Variants in PDE6G observed in about 807,000 individuals in gnomAD.
PDE6G encodes the protein phosphodiesterase 6G.
A neutral mutation model predicts 10.9 loss-of-function variants in PDE6G; 10 were observed. That is an observed-to-expected ratio of 0.91 (90% CI 0.56 to 1.55). The LOEUF is 1.55. Among genes scored for constraint, PDE6G ranks in the 40% most tolerant of loss-of-function variants. PDE6G has a pLI of 0.00. For missense variants in PDE6G, 102 were observed against 110.1 expected (o/e 0.93, Z 0.33); for synonymous variants, 41 against 42.8 (o/e 0.96, Z 0.16).
Position 81,653,419 on chromosome 17 carries a change from G to C in PDE6G, c.-59-55C>G. On this transcript the variant is annotated intron_variant, in intron 1 of 3. Coordinates refer to ENST00000331056, the MANE Select transcript of PDE6G (RefSeq NM_002602.4). This position sits in a 1 kb window ranked among gnomAD's most constrained non-coding sequence, Gnocchi z 5.2. ...CAGCCCTCCTGCTTCCAACCCTTGT[G>C]GGGGTCTCAACCCACCGGTGGAGGG... is the stretch of plus-strand genomic sequence containing the variant. 1 of 1,299,644 alleles carries C rather than the reference G, an allele frequency of 7.7e-7. No homozygotes were observed. Among genetic ancestry groups the C allele is most frequent in the East Asian group, 2.5e-5 (1 of 40,184 alleles). 80.5% of individuals were successfully genotyped at this position (1,299,644 alleles called of 1,614,324 possible).
rs980820538 is a variant in PDE6G, at chr17:81,653,455, AG to A, written c.-59-92del. 2.5e-6 allele frequency: 2 copies of A among 803,398 alleles called. No homozygotes were observed. Among genetic ancestry groups the A allele is most frequent in the African/African-American group, 3.4e-5 (2 of 58,234 alleles). The allele number at this position is 803,398 out of a possible 1,614,324, so 49.8% of individuals were successfully genotyped here. A position where few individuals can be genotyped will look rare whatever the true frequency, so the allele number is the denominator to read the frequency against. On this transcript the variant is annotated intron_variant, in intron 1 of 3. Coordinates refer to ENST00000331056, the MANE Select transcript of PDE6G (RefSeq NM_002602.4). This position sits in a 1 kb window ranked among gnomAD's most constrained non-coding sequence, Gnocchi z 5.2. Reference sequence around the variant, plus strand: ...CCCACCGGTGGAGGGGCTGAGACCCAGCCCCGCCAGCTCCAGCGTCATCCAG... The same window carrying A: ...CCCACCGGTGGAGGGGCTGAGACCCACCCCGCCAGCTCCAGCGTCATCCAG...
Position 81,651,123 on chromosome 17 carries a change from G to A in PDE6G, c.215C>T (p.Ala72Val). The A allele has an allele frequency of 1.9e-6, 3 of 1,613,824 alleles. No individual in the cohort carries two copies. The highest frequency in any genetic ancestry group is 2.2e-5 in the South Asian group (2 of 91,080). ...TDITVICPWE[A>V]FNHLELHELA... ...CTCGTGCAGCTCCAGGTGGTTGAAG[G>A]CCTCCCAAGGGCAGATGACTGTGAT... The change falls in exon 4 of 4, where the codon GCC (alanine) becomes GTC (valine). Residue 72 changes from alanine to valine, a missense_variant. Physicochemically the swap from Ala to Val is moderately conservative, Grantham distance 64. Coordinates refer to ENST00000331056, the MANE Select transcript of PDE6G (RefSeq NM_002602.4). The surrounding 1 kb of genome is among the most constrained non-coding windows in gnomAD (Gnocchi z 4.8).
At position 81,653,873 on chromosome 17, in the gene PDE6G, C is replaced by G. The variant is rs1456455301; in HGVS notation, c.-59-509G>C. Among the ~76,000 whole-genome samples, 2 of 152,092 alleles carry G rather than the reference C, an allele frequency of 1.3e-5. No homozygotes were observed. The highest frequency in any genetic ancestry group is 2.9e-5 in the Non-Finnish European group (2 of 68,006). On this transcript the variant is annotated intron_variant, in intron 1 of 3. Coordinates refer to ENST00000331056, the MANE Select transcript of PDE6G (RefSeq NM_002602.4). This position sits in a 1 kb window ranked among gnomAD's most constrained non-coding sequence, Gnocchi z 5.2. ...TTGCCTGGGCTGGAGTGCAGTGGCA[C>G]TATCTCGGCTCACTGCAACCTCCGC...
rs747770024 is a variant in PDE6G, at chr17:81,653,118, G to A, written c.146+42C>T. 3.1e-5 allele frequency: 49 copies of A among 1,573,284 alleles called. No homozygotes were observed. The highest frequency in any genetic ancestry group is 1.7e-4 in the Middle Eastern group (1 of 5,902). The stretch of plus-strand genomic sequence containing the variant: ...CCCCTTCCTGTGCAGCCTCAGGACC[G>A]CCTCCTCCCTTTCAGAGGCCCCATC... On this transcript the variant is annotated intron_variant, in intron 2 of 3. Transcript: ENST00000331056. The surrounding 1 kb of genome is among the most constrained non-coding windows in gnomAD (Gnocchi z 5.2).
chr17:81,662,409 G>A (rs1482938758), intron 1 of PDE6G, among the ~76,000 whole-genome samples: 2 of 152,132 alleles, frequency 1.3e-5, no homozygotes, highest in Non-Finnish European at 2.9e-5. Flanking sequence ...GATGGCTTGA[G>A]GTCAGGAGTT....
chr17:81,653,124 T>C lies in PDE6G; in HGVS notation c.146+36A>G, dbSNP rs771817879. 6.4e-7 allele frequency: 1 copy of C among 1,568,446 alleles called. No individual in the cohort carries two copies. The highest frequency in any genetic ancestry group is 1.7e-5 in the Admixed American group (1 of 58,634). ...CCTGTGCAGCCTCAGGACCGCCTCC[T>C]CCCTTTCAGAGGCCCCATCCCCCAG... On this transcript the variant is annotated intron_variant, in intron 2 of 3. Coordinates refer to ENST00000331056, the MANE Select transcript of PDE6G (RefSeq NM_002602.4). The surrounding 1 kb of genome is among the most constrained non-coding windows in gnomAD (Gnocchi z 5.2).
intron 1 of PDE6G, among the ~76,000 whole-genome samples, chr17:81,656,256 C>T (rs747009832): frequency 7.2e-5 from 11 of 152,214 alleles, no homozygotes; most frequent in African/African-American, 9.6e-5. Context: ...GGTTCCCAGA[C>T]CATCACTGGC....
Position 81,651,558 on chromosome 17 carries a change from G to T in PDE6G, c.187+87C>A. The T allele has an allele frequency of 2.4e-6, 3 of 1,245,450 alleles. No individual in the cohort carries two copies. The highest frequency in any genetic ancestry group is 1.2e-5 in the South Asian group (1 of 83,036). 77.1% of individuals were successfully genotyped at this position (1,245,450 alleles called of 1,614,324 possible). On this transcript the variant is annotated intron_variant, in intron 3 of 3. Coordinates refer to ENST00000331056, the MANE Select transcript of PDE6G (RefSeq NM_002602.4). This position sits in a 1 kb window ranked among gnomAD's most constrained non-coding sequence, Gnocchi z 4.8. ...GTGAAAAGCAGGGGAGGTGGGGGCCGAGGTGGGCTGCAATGGGCCCCGGGC... is the reference window on the plus strand; with the variant it reads ...GTGAAAAGCAGGGGAGGTGGGGGCCTAGGTGGGCTGCAATGGGCCCCGGGC...
chr17:81,655,942 C>G (rs1403924351), intron 1 of PDE6G, among the ~76,000 whole-genome samples: 1 of 152,212 alleles, frequency 6.6e-6, no homozygotes, highest in South Asian at 2.1e-4. Context: ...CCTTCCCTCA[C>G]TAAGGTTCAG....
At position 81,653,271 on chromosome 17, in the gene PDE6G, G is replaced by A. The variant is rs1273423704; in HGVS notation, c.35C>T (p.Ser12Leu). The A allele has an allele frequency of 1.2e-6, 2 of 1,613,914 alleles. No homozygotes were observed. Among genetic ancestry groups the A allele is most frequent in the Admixed American group, 1.7e-5 (1 of 60,006 alleles). ...AGGTCCCCCGGCCACCCTGGTGGCT[G>A]ACCGGAACTCAGCCTTGGGCGGTTC... Reference protein sequence around the residue: ...NLEPPKAEFRSATRVAGGPVT... With the variant: ...NLEPPKAEFRLATRVAGGPVT... Residue 12 changes from serine to leucine, a missense_variant, in exon 2 of 4, where the codon TCA becomes TTA. Physicochemically the swap from Ser to Leu is moderately radical, Grantham distance 145. Transcript: ENST00000331056. This position sits in a 1 kb window ranked among gnomAD's most constrained non-coding sequence, Gnocchi z 5.2.
intron 1 of PDE6G, among the ~76,000 whole-genome samples, chr17:81,654,891 G>A (rs1458396895): frequency 9.2e-5 from 14 of 151,816 alleles, no homozygotes; most frequent in Admixed American, 9.2e-4. Flanking sequence ...GGGACTACAG[G>A]CGCCCGACAC....
intron 1 of PDE6G, among the ~76,000 whole-genome samples, chr17:81,654,344 C>T (rs925024712): frequency 4.0e-5 from 6 of 151,346 alleles, no homozygotes; most frequent in Admixed American, 4.0e-4. Context: ...TGATTCCAGG[C>T]TGGTGGGCGT....
intron 1 of PDE6G, among the ~76,000 whole-genome samples, chr17:81,661,705 C>T (rs1051093859): frequency 6.6e-6 from 1 of 151,888 alleles, no homozygotes; most frequent in Non-Finnish European, 1.5e-5. Flanking sequence ...ACTGAAACTA[C>T]AAAAATTAGC....
chr17:81,658,076 C>T (rs1435601317), upstream of PDE6G, among the ~76,000 whole-genome samples: 1 of 151,384 alleles, frequency 6.6e-6, no homozygotes, highest in African/African-American at 2.4e-5. Context: ...TGCAGTGGCT[C>T]ACTTCTTATT....
rs1039355902 is a variant in PDE6G at position 81,651,249 on chromosome 17, C to T, written c.188-99G>A. ...TTCCCACAGCCCAGGTGTAGCCCTA[C>T]AGTGTGCTGAGCGGGGACGTGCGGA... On this transcript the variant is annotated intron_variant, in intron 3 of 3. Transcript: ENST00000331056. This position sits in a 1 kb window ranked among gnomAD's most constrained non-coding sequence, Gnocchi z 4.8. The T allele has an allele frequency of 1.5e-5, 13 of 884,004 alleles. No individual in the cohort carries two copies. The highest frequency in any genetic ancestry group is 3.3e-5 in the African/African-American group (2 of 60,912). The allele number at this position is 884,004 out of a possible 1,614,324, so 54.8% of individuals were successfully genotyped here. A position where few individuals can be genotyped will look rare whatever the true frequency, so the allele number is the denominator to read the frequency against.
chr17:81,650,586 A>G lies in PDE6G; in HGVS notation c.*488T>C. 2.2e-6 allele frequency: 1 copy of G among 454,160 alleles called. No homozygotes were observed. 28.1% of individuals were successfully genotyped at this position (454,160 alleles called of 1,614,324 possible). ...ACCGTGCACGCCCTGGAGTCCTGCTACCCAGCATGTCCAAACTAAGGGCAC... is the reference window on the plus strand; with the variant it reads ...ACCGTGCACGCCCTGGAGTCCTGCTGCCCAGCATGTCCAAACTAAGGGCAC... On this transcript the variant is annotated 3_prime_UTR_variant, in exon 4 of 4. Transcript: ENST00000331056.
chr17:81,658,416 G>T (rs1598723368), upstream of PDE6G, among the ~76,000 whole-genome samples: 1 of 152,078 alleles, frequency 6.6e-6, no homozygotes, highest in Non-Finnish European at 1.5e-5. Flanking sequence ...CCAGCTACTT[G>T]GGAGGCTGAG....
Position 81,651,783 on chromosome 17 carries a change from G to T in PDE6G, c.147-98C>A. ...CTCTAGCCTTCCTAGGAGATGAGGTGTTTGGCTGGGAGCCCAGTGGGCAGA... is the reference window on the plus strand; with the variant it reads ...CTCTAGCCTTCCTAGGAGATGAGGTTTTTGGCTGGGAGCCCAGTGGGCAGA... On this transcript the variant is annotated intron_variant, in intron 2 of 3. Transcript: ENST00000331056. This position sits in a 1 kb window ranked among gnomAD's most constrained non-coding sequence, Gnocchi z 4.8. 2.2e-6 allele frequency: 3 copies of T among 1,347,630 alleles called. No homozygotes were observed. Among genetic ancestry groups the T allele is most frequent in the Non-Finnish European group, 3.1e-6 (3 of 958,930 alleles). 83.5% of individuals were successfully genotyped at this position (1,347,630 alleles called of 1,614,324 possible). A position where few individuals can be genotyped will look rare whatever the true frequency, so the allele number is the denominator to read the frequency against.
chr17:81,654,753 T>TC (rs2036420917), intron 1 of PDE6G, among the ~76,000 whole-genome samples: 1 of 99,040 alleles, frequency 1.0e-5, no homozygotes, highest in Admixed American at 1.3e-4. Flanking sequence ...GAATCTCACC[T>TC]TTTTTTTTTT....
Sources: allele counts gnomAD v4.1 joint callset (sites outside exome capture counted in the v4.1 genomes callset), GRCh38; gene constraint gnomAD v4.1.1; non-coding constraint Gnocchi (gnomAD v3.1); transcripts MANE v1.5; gene names NCBI Gene and HGNC (gene_info 2026-07-23, HGNC 2026-07-21).